Variants in DACH2 observed in about 807,000 individuals in gnomAD.
The protein encoded by DACH2 is dachshund homolog 2.
In DACH2, 17 loss-of-function variants were observed where a neutral mutation model predicts 35.8. The ratio of observed to expected loss-of-function variants is 0.48; its 90% CI spans 0.33 to 0.71. DACH2 has a LOEUF of 0.71. DACH2 is among the 30% of genes least tolerant of loss of function. The pLI is 0.02. For synonymous variants in DACH2, 195 were observed against 177.3 expected (o/e 1.10, Z -0.79); for missense variants, 469 against 472.7 (o/e 0.99, Z 0.07).
rs186024714 is a variant in DACH2 at position 86,285,597 on chromosome X, A to G, written c.489-91227A>G. ...TGACCTAAGATATGGTCTTTTTTTTACAATGATCCACATGCTGAGTAGAGG... is the reference window on the plus strand; with the variant it reads ...TGACCTAAGATATGGTCTTTTTTTTGCAATGATCCACATGCTGAGTAGAGG... On this transcript the variant is annotated intron_variant, in intron 1 of 11. Coordinates refer to ENST00000373125, the MANE Select transcript of DACH2 (RefSeq NM_053281.3). 5.0e-4 allele frequency among the ~76,000 whole-genome samples: 56 copies of G among 111,681 alleles called. 1 individual carries two copies. The highest frequency in any genetic ancestry group is 2.1e-3 in the Admixed American group (22 of 10,487).
At chrX:86,477,188 T>G (rs1311974404) in intron 2 of DACH2, among the ~76,000 whole-genome samples, 1 of 109,152 alleles carries the variant, frequency 9.2e-6, no homozygotes, top group Non-Finnish European at 1.9e-5. Context: ...TTAAGTCTAA[T>G]GATACTTTGT....
At chrX:86,259,183 A>G (rs896812608) in intron 1 of DACH2, among the ~76,000 whole-genome samples, 1 of 112,101 alleles carries the variant, frequency 8.9e-6, no homozygotes, top group Admixed American at 9.5e-5. Flanking sequence ...GCTTAAATAT[A>G]ATTTTCTCTC....
At chrX:86,400,725 A>G (rs1173834196) in intron 2 of DACH2, among the ~76,000 whole-genome samples, 2 of 111,317 alleles carry the variant, frequency 1.8e-5, no homozygotes, top group African/African-American at 3.3e-5. Flanking sequence ...CTGCTGCCTG[A>G]TCGTTCCTCT....
chrX:86,316,160 A>C (rs2034901783), intron 1 of DACH2, among the ~76,000 whole-genome samples: 1 of 106,362 alleles, frequency 9.4e-6, no homozygotes, highest in Non-Finnish European at 1.9e-5. Context: ...TGGGAGGGAG[A>C]GTTTCTGTGC....
chrX:86,201,350 C>T (rs1288637025), intron 1 of DACH2, among the ~76,000 whole-genome samples: 1 of 109,976 alleles, frequency 9.1e-6, no homozygotes, highest in African/African-American at 3.3e-5. Context: ...AGGATTAATA[C>T]CTGGGTGATT....
At chrX:86,445,167 A>C (rs1269967865) in intron 2 of DACH2, among the ~76,000 whole-genome samples, 1 of 110,077 alleles carries the variant, frequency 9.1e-6, no homozygotes, top group Admixed American at 9.8e-5. Flanking sequence ...TGCTCTTAGA[A>C]TTGCTTTTGA....
chrX:86,205,594 G>C lies in DACH2; in HGVS notation c.488+56486G>C, dbSNP rs1432051756. On this transcript the variant is annotated intron_variant, in intron 1 of 11. Transcript: ENST00000373125. ...TCTTCTTTTTTTAAGACAAGGTCTT[G>C]CTGTCACCCAGGCTGGAGTGCAGTG... Among the ~76,000 whole-genome samples, 5 of 97,698 alleles carry C rather than the reference G, an allele frequency of 5.1e-5. No individual in the cohort carries two copies. The East Asian group carries it at 1.6e-3, about 32-fold the overall frequency. 84.8% of individuals were successfully genotyped at this position (97,698 alleles called of 115,157 possible). A position where few individuals can be genotyped will look rare whatever the true frequency, so the allele number is the denominator to read the frequency against.
chrX:86,695,075 C>A lies in DACH2; in HGVS notation c.827C>A (p.Pro276His), dbSNP rs370724502. ...AAGATGCAGTCTCCATTTGCTGCACCTGGACCCCAACATGGAATTGCTCAT... is the reference window on the plus strand; with the variant it reads ...AAGATGCAGTCTCCATTTGCTGCACATGGACCCCAACATGGAATTGCTCAT... ...KDKMQSPFAA[P>H]GPQHGIAHAA... The change falls in exon 5 of 12, where the codon CCT (proline) becomes CAT (histidine). Residue 276 changes from proline (P) to histidine (H), a missense_variant. Physicochemically the swap from Pro to His is moderately conservative, Grantham distance 77. This residue lies in a region of DACH2 where 363 missense variants were observed against 334.4 expected (regional missense o/e 1.09). Coordinates refer to ENST00000373125, the MANE Select transcript of DACH2 (RefSeq NM_053281.3). 1.5e-5 allele frequency: 17 copies of A among 1,148,562 alleles called. No individual in the cohort carries two copies. Among genetic ancestry groups the A allele is most frequent in the Non-Finnish European group, 1.9e-5 (16 of 862,924 alleles). 94.7% of individuals were successfully genotyped at this position (1,148,562 alleles called of 1,213,427 possible).
At chrX:86,291,746 G>T (rs1384764584) in intron 1 of DACH2, among the ~76,000 whole-genome samples, 1 of 74,342 alleles carries the variant, frequency 1.3e-5, no homozygotes, top group Non-Finnish European at 2.4e-5. Context: ...TTCGCATATT[G>T]AACCAGCCTT....
intron 4 of DACH2, among the ~76,000 whole-genome samples, chrX:86,681,450 C>A (rs190487123): frequency 1.8e-5 from 2 of 109,030 alleles, no homozygotes; most frequent in African/African-American, 6.7e-5. Context: ...CATGGTGTTG[C>A]GCACCTGTAT....
chrX:86,336,467 C>A (rs1313497135), intron 1 of DACH2, among the ~76,000 whole-genome samples: 1 of 111,488 alleles, frequency 9.0e-6, no homozygotes, highest in Non-Finnish European at 1.9e-5. Context: ...TGGAGTGGAC[C>A]TTCAGCAAAC....
At position 86,366,438 on chromosome X, in the gene DACH2, C is replaced by T. The variant is rs775637530; in HGVS notation, c.489-10386C>T. ...AGAAAGTTCAAGATAAAACTAACTG[C>T]CTGGAGGAGAAATGAAAATTAAATT... On this transcript the variant is annotated intron_variant, in intron 1 of 11. Coordinates refer to ENST00000373125, the MANE Select transcript of DACH2 (RefSeq NM_053281.3). Among the ~76,000 whole-genome samples, 3 of 110,609 alleles carry T rather than the reference C, an allele frequency of 2.7e-5. No homozygotes were observed. In the East Asian group the frequency reaches 8.7e-4, roughly 32 times the overall value.
At chrX:86,745,501 G>A (rs781745518) in intron 7 of DACH2, among the ~76,000 whole-genome samples, 1 of 111,187 alleles carries the variant, frequency 9.0e-6, no homozygotes, top group African/African-American at 3.3e-5. Context: ...CCACTTATAA[G>A]TGAAAACATG....
At chrX:86,325,723 T>C (rs753443112) in intron 1 of DACH2, among the ~76,000 whole-genome samples, 32 of 112,165 alleles carry the variant, frequency 2.9e-4, no homozygotes, top group African/African-American at 9.4e-4. Context: ...TTTCCAACTT[T>C]AGAAGTGCCG....
chrX:86,436,087 T>C (rs2037063285), intron 2 of DACH2, among the ~76,000 whole-genome samples: 1 of 109,897 alleles, frequency 9.1e-6, no homozygotes, highest in African/African-American at 3.3e-5. Flanking sequence ...AATTCATTAA[T>C]TAACACGTTA....
At chrX:86,484,362 A>G (rs967389168) in intron 2 of DACH2, among the ~76,000 whole-genome samples, 1 of 111,805 alleles carries the variant, frequency 8.9e-6, no homozygotes. Context: ...CACAAGTGGT[A>G]TGGTTTTGTG....
chrX:86,209,050 C>T (rs762314281), intron 1 of DACH2, among the ~76,000 whole-genome samples: 2 of 111,745 alleles, frequency 1.8e-5, no homozygotes, highest in South Asian at 7.4e-4. Flanking sequence ...ATCATTCATA[C>T]ATTATCTAGC....
chrX:86,148,671 C>CAA lies in DACH2; in HGVS notation c.51_52insAA (p.Val18LysfsTer26). 1 of 1,200,852 alleles carries CAA rather than the reference C, an allele frequency of 8.3e-7. No individual in the cohort carries two copies. The highest frequency in any genetic ancestry group is 1.1e-6 in the Non-Finnish European group (1 of 889,978). On this transcript the variant is annotated frameshift_variant, in exon 1 of 12. Coordinates refer to ENST00000373125, the MANE Select transcript of DACH2 (RefSeq NM_053281.3). LOFTEE classifies it high-confidence loss of function. ...TCTCTGCAACTTCCAGCGGCGCCGG[C>CAA]GTCCCGGGGGGCTTATTCCGGGCCG...
At chrX:86,780,246 A>T (rs147823584) in intron 7 of DACH2, among the ~76,000 whole-genome samples, 64 of 109,888 alleles carry the variant, frequency 5.8e-4, no homozygotes, top group Non-Finnish European at 9.5e-4. Context: ...CAAATGAGAA[A>T]GAAACAGCAC....
Sources: gnomAD v4.1 joint callset for allele counts (sites outside exome capture counted in the v4.1 genomes callset) on GRCh38, gnomAD v4.1.1 for gene constraint, gnomAD v4.1.1 regional missense constraint, MANE v1.5 for transcripts, NCBI Gene and HGNC (gene_info 2026-07-23, HGNC 2026-07-21) for gene names.